The following SSH3 variants were observed in gnomAD, a reference collection of about 807,000 sequenced individuals.
SSH3 encodes slingshot protein phosphatase 3.
In SSH3, 67 loss-of-function variants were observed where a neutral mutation model predicts 75.0. The ratio of observed to expected loss-of-function variants is 0.89; its 90% CI spans 0.73 to 1.10. The LOEUF is 1.10. Ranked by LOEUF, SSH3 falls within the 50% of genes least tolerant of loss-of-function variation. The pLI, the probability that SSH3 is intolerant of heterozygous loss-of-function variation, is 0.00. For missense variants in SSH3, 824 were observed against 872.7 expected (o/e 0.94, Z 0.70); for synonymous variants, 318 against 349.2 (o/e 0.91, Z 1.00).
At position 67,308,200 on chromosome 11, in the gene SSH3, G is replaced by A; in HGVS notation, c.912G>A (p.Leu304=). The A allele has an allele frequency of 1.2e-6, 2 of 1,613,890 alleles. No homozygotes were observed. The highest frequency in any genetic ancestry group is 1.7e-6 in the Non-Finnish European group (2 of 1,180,006). ...TCCGCCAGGCTCTGGAGCTGCGCCT[G>A]GGGCTCCCCCTCCAGCAGTACCGTG... ...KEIRQALELR[L]GLPLQQYRDF... is the part of the protein sequence containing the mutation. The change falls in exon 9 of 14, where the codon CTG becomes CTA. Residue 304 remains leucine (L), a synonymous_variant. Transcript: ENST00000308127. This position sits in a 1 kb window ranked among gnomAD's most constrained non-coding sequence, Gnocchi z 4.9.
At chr11:67,305,084 T>A (rs766030885) in intron 3 of SSH3, 77 bp downstream of exon 3, 48 of 1,419,204 alleles carry the variant, frequency 3.4e-5, no homozygotes, top group Middle Eastern at 2.4e-4. Context: ...TGTGTATGTG[T>A]CTGCTTGGGG....
chr11:67,304,289 A>AGCGTTCCCGGTGGGGCC, intron 2 of SSH3, 134 bp downstream of exon 2: 2 of 712,302 alleles, frequency 2.8e-6, no homozygotes, highest in Non-Finnish European at 4.5e-6. Context: ...TTTGTGGGGC[A>AGCGTTCCCGGTGGGGCC]GCGTTCCCGG....
chr11:67,307,364 C>T lies in SSH3; in HGVS notation c.537-7C>T. 1.2e-6 allele frequency: 2 copies of T among 1,613,796 alleles called. No individual in the cohort carries two copies. Among genetic ancestry groups the T allele is most frequent in the Non-Finnish European group, 1.7e-6 (2 of 1,179,986 alleles). ...GTCTGGCCTCACCTGTGCCTGGTCTCCTGCAGGGGCTTCAGCGTGACGTCT... is the reference window on the plus strand; with the variant it reads ...GTCTGGCCTCACCTGTGCCTGGTCTTCTGCAGGGGCTTCAGCGTGACGTCT... On this transcript the variant is annotated splice_region_variant and splice_polypyrimidine_tract_variant and intron_variant, in intron 5 of 13. Coordinates refer to ENST00000308127, the MANE Select transcript of SSH3 (RefSeq NM_017857.4). The surrounding 1 kb of genome is among the most constrained non-coding windows in gnomAD (Gnocchi z 4.2).
rs562996585 is a variant in SSH3, at chr11:67,308,516, G to A, written c.1061+58G>A. 20 of 1,545,480 alleles carry A rather than the reference G, an allele frequency of 1.3e-5. No individual in the cohort carries two copies. Among genetic ancestry groups the A allele is most frequent in the Admixed American group, 5.9e-5 (3 of 50,964 alleles). On this transcript the variant is annotated intron_variant, in intron 10 of 13. Coordinates refer to ENST00000308127, the MANE Select transcript of SSH3 (RefSeq NM_017857.4). The surrounding 1 kb of genome is among the most constrained non-coding windows in gnomAD (Gnocchi z 4.9). ...CATCTTCCCTTCTCCTGGCCTCCCC[G>A]CATTGGGTGGTAGCCAGCTTCAAAA...
At chr11:67,309,276 T>G in intron 10 of SSH3, 121 bp from the exon 11 acceptor site, 3 of 1,278,990 alleles carry the variant, frequency 2.3e-6, no homozygotes, top group Non-Finnish European at 3.3e-6. Flanking sequence ...CCACTGTCAC[T>G]GCTGCCTCCA....
rs1012828129 is a variant in SSH3 at position 67,303,658 on chromosome 11, G to A, written c.33G>A (p.Pro11=). The A allele has an allele frequency of 4.0e-6, 6 of 1,512,452 alleles. No individual in the cohort carries two copies. The highest frequency in any genetic ancestry group is 5.3e-6 in the Non-Finnish European group (6 of 1,136,930). 93.7% of individuals were successfully genotyped at this position (1,512,452 alleles called of 1,614,324 possible). A position where few individuals can be genotyped will look rare whatever the true frequency, so the allele number is the denominator to read the frequency against. MALVTVSRSP[P]GSGASTPVGP... is the part of the protein sequence containing the mutation. ...TGGTCACAGTGAGCCGTTCGCCCCC[G>A]GGCAGCGGCGCCTCCACGCCCGTGG... The change falls in exon 1 of 14, where the codon CCG becomes CCA. Residue 11 remains proline, a synonymous_variant. Coordinates refer to ENST00000308127, the MANE Select transcript of SSH3 (RefSeq NM_017857.4).
chr11:67,304,688 A>C, intron 2 of SSH3, 85 bp from the exon 3 acceptor site: 1 of 1,336,890 alleles, frequency 7.5e-7, no homozygotes. Flanking sequence ...CAAGGGCTGC[A>C]GGTGAATGTG....
Position 67,306,864 on chromosome 11 carries a change from T to A in SSH3, c.366T>A (p.Pro122=). ...RLAAQLEAPR[P]PRLRYLLVVS... is the part of the protein sequence containing the mutation. ...CAGCCCAGCTGGAGGCACCCCGGCC[T>A]CCCCGGCTCCGCTACCTGCTGGTAG... is the stretch of plus-strand genomic sequence containing the variant. Residue 122 remains proline, a synonymous_variant, in exon 4 of 14, where the codon CCT becomes CCA. Coordinates refer to ENST00000308127, the MANE Select transcript of SSH3 (RefSeq NM_017857.4). 1 of 1,612,594 alleles carries A rather than the reference T, an allele frequency of 6.2e-7. No individual in the cohort carries two copies. Among genetic ancestry groups the A allele is most frequent in the Non-Finnish European group, 8.5e-7 (1 of 1,179,066 alleles).
At position 67,307,121 on chromosome 11, in the gene SSH3, A is replaced by G. The variant is rs753254815; in HGVS notation, c.536+8A>G. The G allele has an allele frequency of 1.2e-6, 2 of 1,613,234 alleles. No homozygotes were observed. The highest frequency in any genetic ancestry group is 4.5e-5 in the East Asian group (2 of 44,864). On this transcript the variant is annotated splice_region_variant and intron_variant, in intron 5 of 13. Coordinates refer to ENST00000308127, the MANE Select transcript of SSH3 (RefSeq NM_017857.4). The surrounding 1 kb of genome is among the most constrained non-coding windows in gnomAD (Gnocchi z 4.2). ...GTACTTAGATGGAGACGGGTAAGCAATGGCAACTGGAGGTGGGGGCTGGAG... is the reference window on the plus strand; with the variant it reads ...GTACTTAGATGGAGACGGGTAAGCAGTGGCAACTGGAGGTGGGGGCTGGAG...
chr11:67,309,129 A>G (rs1861338134), intron 10 of SSH3: 1 of 483,292 alleles, frequency 2.1e-6, no homozygotes, highest in Non-Finnish European at 3.8e-6. Context: ...GCTGTTCTCT[A>G]ACTCATTTCT....
At position 67,303,694 on chromosome 11, in the gene SSH3, G is replaced by A; in HGVS notation, c.66+3G>A. 1 of 1,498,746 alleles carries A rather than the reference G, an allele frequency of 6.7e-7. No individual in the cohort carries two copies. The highest frequency in any genetic ancestry group is 8.8e-7 in the Non-Finnish European group (1 of 1,130,752). The allele number at this position is 1,498,746 out of a possible 1,614,324, so 92.8% of individuals were successfully genotyped here. ...CCTCCACGCCCGTGGGGCCCTGGGT[G>A]AGTGTGGTCCGGCCGTGGTGCCGCC... is the stretch of plus-strand genomic sequence containing the variant. On this transcript the variant is annotated splice_donor_region_variant and intron_variant, in intron 1 of 13. Coordinates refer to ENST00000308127, the MANE Select transcript of SSH3 (RefSeq NM_017857.4).
At chr11:67,303,857 G>A (rs1279356279) in intron 1 of SSH3, 166 bp downstream of exon 1, 1 of 793,520 alleles carries the variant, frequency 1.3e-6, no homozygotes. Flanking sequence ...CTGGCGCCGG[G>A]GCACAATCCA....
In SSH3 at chr11:67,311,694, C is replaced by T. The variant is rs751291592; in HGVS notation, c.1787C>T (p.Ala596Val). 6.2e-7 allele frequency: 1 copy of T among 1,614,102 alleles called. No homozygotes were observed. The highest frequency in any genetic ancestry group is 1.7e-5 in the Admixed American group (1 of 60,022). Residue 596 changes from alanine to valine, a missense_variant, in exon 14 of 14, where the codon GCC (alanine) becomes GTC (valine). Ala to Val is a moderately conservative substitution (Grantham distance 64, BLOSUM62 0). Coordinates refer to ENST00000308127, the MANE Select transcript of SSH3 (RefSeq NM_017857.4). ...CAGGTGGACAGGGGGCCTCAGCCTG[C>T]CCTGAAGTCCCGCCAGTCAGTGGTT... ...GQQVDRGPQP[A>V]LKSRQSVVTL...
chr11:67,305,290 C>T (rs570429405), intron 3 of SSH3, among the ~76,000 whole-genome samples: 7 of 151,890 alleles, frequency 4.6e-5, no homozygotes, highest in Non-Finnish European at 1.0e-4. Flanking sequence ...GGGTTCACAC[C>T]ATTCTCCTGC....
chr11:67,304,565 C>T (rs1370823177), intron 2 of SSH3, among the ~76,000 whole-genome samples: 6 of 152,322 alleles, frequency 3.9e-5, no homozygotes, highest in East Asian at 1.9e-4. Context: ...CTTGGAAGCC[C>T]CCAAGACTGG....
chr11:67,311,522 G>A (rs771532053), intron 13 of SSH3, 69 bp from the exon 14 acceptor site: 154 of 1,583,204 alleles, frequency 9.7e-5, no homozygotes, highest in South Asian at 2.8e-4. Flanking sequence ...AGATCTTCCC[G>A]GCTCTGTGCT....
Position 67,308,391 on chromosome 11 carries a change from G to A in SSH3, c.1015-21G>A. The A allele has an allele frequency of 1.9e-6, 3 of 1,613,758 alleles. No homozygotes were observed. The highest frequency in any genetic ancestry group is 2.2e-5 in the East Asian group (1 of 44,866). On this transcript the variant is annotated intron_variant, in intron 9 of 13. Coordinates refer to ENST00000308127, the MANE Select transcript of SSH3 (RefSeq NM_017857.4). The surrounding 1 kb of genome is among the most constrained non-coding windows in gnomAD (Gnocchi z 4.9). ...GCAGAGGCTGGAGGAGAGGAGAAAT[G>A]TGCTGTTCCCTCTCTCCCAGGGCTC...
At position 67,309,805 on chromosome 11, in the gene SSH3, G is replaced by A; in HGVS notation, c.1246G>A (p.Gly416Ser). Reference protein sequence around the residue: ...GTHVLVHCKMGVSRSAATVLA... With the variant: ...GTHVLVHCKMSVSRSAATVLA... ...CCACGTGCTGGTCCACTGCAAGATG[G>A]GCGTCAGCCGCTCAGCGGCCACAGT... The change falls in exon 12 of 14, where the codon GGC becomes AGC. Residue 416 changes from glycine (G) to serine (S), a missense_variant. Gly to Ser is a moderately conservative substitution (Grantham distance 56). Transcript: ENST00000308127. The A allele has an allele frequency of 1.2e-6, 2 of 1,613,306 alleles. No homozygotes were observed. Among genetic ancestry groups the A allele is most frequent in the Non-Finnish European group, 1.7e-6 (2 of 1,180,036 alleles).
In SSH3 at chr11:67,312,232, CAG is replaced by C. The variant is rs1399241885; in HGVS notation, c.*348_*349del. The C allele has an allele frequency of 5.3e-5, 16 of 303,938 alleles. No individual in the cohort carries two copies. The highest frequency in any genetic ancestry group is 9.5e-4 in the Middle Eastern group (1 of 1,058). The allele number at this position is 303,938 out of a possible 1,614,324, so 18.8% of individuals were successfully genotyped here. A position where few individuals can be genotyped will look rare whatever the true frequency, so the allele number is the denominator to read the frequency against. ...ACTCACCTGTGGCACGGAATGAAAA[CAG>C]AGCTTCCCGTGCAAAAAGGGTCACG... is the stretch of plus-strand genomic sequence containing the variant. On this transcript the variant is annotated 3_prime_UTR_variant, in exon 14 of 14. Transcript: ENST00000308127.
Sources: gnomAD v4.1 joint callset for allele counts (sites outside exome capture counted in the v4.1 genomes callset) on GRCh38, gnomAD v4.1.1 for gene constraint, Gnocchi (gnomAD v3.1) non-coding constraint, MANE v1.5 for transcripts, NCBI Gene and HGNC (gene_info 2026-07-23, HGNC 2026-07-21) for gene names.